The following SYCP2L variants were observed in gnomAD, a reference collection of about 807,000 sequenced individuals.
The protein encoded by SYCP2L is synaptonemal complex protein 2-like.
In SYCP2L, 98 loss-of-function variants were observed where a neutral mutation model predicts 125.8. The observed-to-expected ratio is 0.78, with a 90% CI of 0.66 to 0.92. The LOEUF is 0.92. SYCP2L is among the 40% of genes least tolerant of loss of function. SYCP2L has a pLI of 0.00. For synonymous variants in SYCP2L, 317 were observed against 325.4 expected (o/e 0.97, Z 0.28); for missense variants, 842 against 936.4 (o/e 0.90, Z 1.32).
intron 14 of SYCP2L, among the ~76,000 whole-genome samples, chr6:10,918,461 G>A (rs774107014): frequency 7.2e-5 from 11 of 151,776 alleles, no homozygotes; most frequent in South Asian, 2.1e-4. Flanking sequence ...GACTTTGTTC[G>A]TATTTTCTTA....
chr6:10,967,165 G>T (rs777295396), intron 29 of SYCP2L, among the ~76,000 whole-genome samples: 5 of 151,904 alleles, frequency 3.3e-5, no homozygotes, highest in African/African-American at 4.8e-5. Flanking sequence ...AGTATAAAAA[G>T]CCCATCCTTA....
chr6:10,889,528 T>G (rs1236378975), intron 1 of SYCP2L, among the ~76,000 whole-genome samples: 1 of 152,100 alleles, frequency 6.6e-6, no homozygotes, highest in African/African-American at 2.4e-5. Flanking sequence ...TCCAGCTAGC[T>G]GTAATTTTGT....
intron 28 of SYCP2L, among the ~76,000 whole-genome samples, chr6:10,962,611 G>A (rs534227706): frequency 2.8e-4 from 42 of 151,620 alleles, no homozygotes; most frequent in South Asian, 1.7e-3. Flanking sequence ...TAAAAATTGA[G>A]ACAGATTTTT....
At chr6:10,905,356 G>A (rs1341688912) in intron 8 of SYCP2L, among the ~76,000 whole-genome samples, 1 of 151,026 alleles carries the variant, frequency 6.6e-6, no homozygotes, top group Non-Finnish European at 1.5e-5. Context: ...GCAATGGCAC[G>A]CTCTCGGCTC....
In SYCP2L at chr6:10,910,158, G is replaced by A. The variant is rs201565881; in HGVS notation, c.830G>A (p.Arg277His). The A allele has an allele frequency of 4.3e-4, 697 of 1,613,518 alleles. 6 individuals are homozygous for A. The highest frequency in any genetic ancestry group is 2.6e-3 in the South Asian group (241 of 91,038). The stretch of plus-strand genomic sequence containing the variant: ...TCATTTGCTTTGAAGGACAGTAGAC[G>A]TTTTCTCAATCACCTAAACAACAGA... Reference protein sequence around the residue: ...KDREFETDSRRFLNHLNNRLG... With the variant: ...KDREFETDSRHFLNHLNNRLG... Residue 277 changes from arginine to histidine, a missense_variant, in exon 11 of 30, where the codon CGT becomes CAT. Transcript: ENST00000283141.
intron 14 of SYCP2L, among the ~76,000 whole-genome samples, chr6:10,923,683 C>CTTTTTT (rs372980518): frequency 1.6e-5 from 2 of 122,356 alleles, no homozygotes; most frequent in African/African-American, 3.2e-5. Context: ...TTTTCTTTTT[C>CTTTTTT]TTTTTTTTTT....
Position 10,969,600 on chromosome 6 carries a change from G to A in SYCP2L, c.*38-4352G>A, listed in dbSNP as rs568210411. Among the ~76,000 whole-genome samples the A allele has an allele frequency of 8.3e-4, 126 of 151,888 alleles. 1 individual carries two copies. Among genetic ancestry groups the A allele is most frequent in the African/African-American group, 2.9e-3 (120 of 41,432 alleles). ...AGGATGGTCTCGATCTCCTGACCTC[G>A]TGATCTGCCCGCCTCGGCCTCCCAA... On this transcript the variant is annotated intron_variant, in intron 29 of 29. Coordinates refer to ENST00000283141, the MANE Select transcript of SYCP2L (RefSeq NM_001040274.3).
chr6:10,890,848 AT>A lies in SYCP2L; in HGVS notation c.10-660del, dbSNP rs139651642. Among the ~76,000 whole-genome samples, 1,172 of 152,176 alleles carry A rather than the reference AT, an allele frequency of 7.7e-3. 16 individuals are homozygous for A. Among genetic ancestry groups the A allele is most frequent in the African/African-American group, 0.027 (1,121 of 41,538 alleles). ...TAAGCTTTTAGTTTATTTTGAGTTGATTTTTGTATATGGTGAGACATGGGAT... is the reference window on the plus strand; with the variant it reads ...TAAGCTTTTAGTTTATTTTGAGTTGATTTTGTATATGGTGAGACATGGGAT... On this transcript the variant is annotated intron_variant, in intron 1 of 29. Coordinates refer to ENST00000283141, the MANE Select transcript of SYCP2L (RefSeq NM_001040274.3).
chr6:10,964,044 G>A (rs1336277201), intron 29 of SYCP2L, among the ~76,000 whole-genome samples: 5 of 149,408 alleles, frequency 3.3e-5, no homozygotes, highest in Non-Finnish European at 7.4e-5. Flanking sequence ...TGCAAGCTCC[G>A]CCTCCCAGGT....
In SYCP2L at chr6:10,912,570, G is replaced by A; in HGVS notation, c.919-103G>A. The A allele has an allele frequency of 1.2e-6, 1 of 821,592 alleles. No individual in the cohort carries two copies. The highest frequency in any genetic ancestry group is 2.0e-6 in the Non-Finnish European group (1 of 512,472). 50.9% of individuals were successfully genotyped at this position (821,592 alleles called of 1,614,324 possible). A position where few individuals can be genotyped will look rare whatever the true frequency, so the allele number is the denominator to read the frequency against. Reference sequence around the variant, plus strand: ...GGCCCTATAATGCTAGGATAATGCTGTTCCAGGAAGAGCACAAATTCTATT... The same window carrying A: ...GGCCCTATAATGCTAGGATAATGCTATTCCAGGAAGAGCACAAATTCTATT... On this transcript the variant is annotated intron_variant, in intron 12 of 29. Transcript: ENST00000283141. The surrounding 1 kb of genome is among the most constrained non-coding windows in gnomAD (Gnocchi z 4.1).
chr6:10,897,300 A>G (rs1471172074), intron 4 of SYCP2L, among the ~76,000 whole-genome samples: 2 of 152,178 alleles, frequency 1.3e-5, no homozygotes. Flanking sequence ...ATAATCAAGA[A>G]TACTTCTGAG....
At chr6:10,909,328 A>T (rs1372293362) in intron 10 of SYCP2L, among the ~76,000 whole-genome samples, 1 of 151,732 alleles carries the variant, frequency 6.6e-6, no homozygotes, top group African/African-American at 2.4e-5. Context: ...GGGTTTCTCC[A>T]TGTTGGTCAG....
At chr6:10,955,416 C>T (rs1781486845) in intron 24 of SYCP2L, among the ~76,000 whole-genome samples, 199 bp downstream of exon 24, 1 of 152,296 alleles carries the variant, frequency 6.6e-6, no homozygotes, top group South Asian at 2.1e-4. Flanking sequence ...CCATTATCCC[C>T]TAGCATTTTT....
At chr6:10,906,758 T>C (rs111777050) in intron 9 of SYCP2L, among the ~76,000 whole-genome samples, 9,291 of 151,750 alleles carry the variant, frequency 0.061, 749 homozygotes, top group East Asian at 0.21. Context: ...CCGCCACACC[T>C]GGCTAATTTT....
intron 23 of SYCP2L, 102 bp downstream of exon 23, chr6:10,942,848 T>C: frequency 9.4e-7 from 1 of 1,059,586 alleles, no homozygotes; most frequent in Non-Finnish European, 1.4e-6. Flanking sequence ...CAAGTCACTT[T>C]GCACAGTGAC....
intron 18 of SYCP2L, chr6:10,930,166 A>G (rs942112915): frequency 2.2e-6 from 1 of 455,660 alleles, no homozygotes; most frequent in Admixed American, 4.0e-5. Context: ...TTGTCATCCT[A>G]TACAACAGCA....
intron 9 of SYCP2L, among the ~76,000 whole-genome samples, chr6:10,906,665 TCGGCTCACTGCAGCCTC>T (rs1780499658): frequency 6.6e-6 from 1 of 151,756 alleles, no homozygotes; most frequent in African/African-American, 2.4e-5. Flanking sequence ...TGGCGCGATC[TCGGCTCACTGCAGCCTC>T]CGCCTCCCGT....
chr6:10,922,868 AAGT>A (rs1780823722), intron 14 of SYCP2L: 1 of 152,194 alleles, frequency 6.6e-6, no homozygotes. Context: ...TAGATTAAAA[AAGT>A]AGATTAAGTA....
At chr6:10,934,375 C>T (rs1300484709) in intron 20 of SYCP2L, among the ~76,000 whole-genome samples, 1 of 152,160 alleles carries the variant, frequency 6.6e-6, no homozygotes, top group Non-Finnish European at 1.5e-5. Context: ...AATGCAGAGC[C>T]ATTAGAAGAC....
Sources: gnomAD v4.1 joint callset for allele counts (sites outside exome capture counted in the v4.1 genomes callset) on GRCh38, gnomAD v4.1.1 for gene constraint, Gnocchi (gnomAD v3.1) non-coding constraint, MANE v1.5 for transcripts, NCBI Gene and HGNC (gene_info 2026-07-23, HGNC 2026-07-21) for gene names.